The following ROBO1 variants were observed in gnomAD, a reference collection of about 807,000 sequenced individuals.
The protein encoded by ROBO1 is roundabout guidance receptor 1, also known as roundabout homolog 1.
Under a neutral mutation model 195.9 loss-of-function variants are expected in ROBO1, and 149 were observed. The observed-to-expected ratio is 0.76, with a 90% CI of 0.67 to 0.87. ROBO1 has a LOEUF of 0.87. Ranked by LOEUF, ROBO1 falls within the 40% of genes least tolerant of loss-of-function variation. The pLI is 0.00. For synonymous variants in ROBO1, 816 were observed against 733.2 expected (o/e 1.11, Z -1.82); for missense variants, 1,933 against 2,068.3 (o/e 0.93, Z 1.27).
At chr3:79,124,664 C>T (rs2080181902) in intron 3 of ROBO1, among the ~76,000 whole-genome samples, 1 of 152,086 alleles carries the variant, frequency 6.6e-6, no homozygotes, top group Non-Finnish European at 1.5e-5. Flanking sequence ...GAGAACATTA[C>T]AAATAGCTGA....
intron 2 of ROBO1, among the ~76,000 whole-genome samples, chr3:79,443,773 C>A (rs992902376): frequency 3.3e-5 from 5 of 152,014 alleles, no homozygotes; most frequent in African/African-American, 1.2e-4. Context: ...CATCTTAGAA[C>A]AATTTGCATA....
chr3:79,579,952 C>A (rs900293479), intron 2 of ROBO1, among the ~76,000 whole-genome samples: 1 of 151,994 alleles, frequency 6.6e-6, no homozygotes, highest in Admixed American at 6.6e-5. Flanking sequence ...TGATGCTATG[C>A]TTGTATGCCT....
intron 2 of ROBO1, among the ~76,000 whole-genome samples, chr3:79,325,754 T>A (rs2109147073): frequency 6.6e-6 from 1 of 152,266 alleles, no homozygotes; most frequent in African/African-American, 2.4e-5. Context: ...GCACAAATTG[T>A]AGAGCATGTG....
At chr3:78,717,650 AC>A in intron 6 of ROBO1, 112 bp downstream of exon 6, 2 of 1,202,224 alleles carry the variant, frequency 1.7e-6, no homozygotes, top group South Asian at 3.2e-5. Flanking sequence ...TCCTCTTTCT[AC>A]CCACCCCCTA....
chr3:79,694,046 T>A lies in ROBO1; in HGVS notation c.-51+73706A>T, dbSNP rs146768329. ...AACAAGAAAAATAGAGGCCTAATAC[T>A]GGATTCTGAAATAAGTAAAATAAGT... On this transcript the variant is annotated intron_variant, in intron 1 of 30. Transcript: ENST00000464233. Among the ~76,000 whole-genome samples, 661 of 151,908 alleles carry A rather than the reference T, an allele frequency of 4.4e-3. 8 individuals carry two copies. Among genetic ancestry groups the A allele is most frequent in the African/African-American group, 0.015 (634 of 41,508 alleles).
At chr3:79,585,839 T>G (rs1389928373) in intron 2 of ROBO1, among the ~76,000 whole-genome samples, 3 of 151,980 alleles carry the variant, frequency 2.0e-5, no homozygotes, top group Non-Finnish European at 4.4e-5. Flanking sequence ...AATAATTGAC[T>G]ACTTTCTAAA....
At chr3:78,887,585 A>C (rs565326829) in intron 4 of ROBO1, among the ~76,000 whole-genome samples, 1 of 152,212 alleles carries the variant, frequency 6.6e-6, no homozygotes, top group Admixed American at 6.5e-5. Flanking sequence ...TTTAAGTCCA[A>C]GGATACTTAG....
chr3:79,452,220 T>G (rs1361052996), intron 2 of ROBO1, among the ~76,000 whole-genome samples: 1 of 152,120 alleles, frequency 6.6e-6, no homozygotes, highest in Non-Finnish European at 1.5e-5. Context: ...ACTATACATG[T>G]CTTTTATGTT....
chr3:79,077,701 T>A (rs555625491), intron 3 of ROBO1, among the ~76,000 whole-genome samples: 1 of 151,832 alleles, frequency 6.6e-6, no homozygotes, highest in Non-Finnish European at 1.5e-5. Flanking sequence ...ATAAGTCATG[T>A]TTCATTTGAT....
intron 4 of ROBO1, among the ~76,000 whole-genome samples, chr3:78,853,364 T>A (rs1222252965): frequency 6.6e-6 from 1 of 151,474 alleles, no homozygotes; most frequent in Admixed American, 6.6e-5. Flanking sequence ...TTTTTGTATA[T>A]ATACATACAA....
intron 4 of ROBO1, among the ~76,000 whole-genome samples, chr3:78,793,145 A>AAAAG (rs1391490162): frequency 2.6e-5 from 4 of 151,864 alleles, no homozygotes; most frequent in African/African-American, 9.7e-5. Flanking sequence ...CAAAAAAAAA[A>AAAAG]AAAGAAAGAA....
rs1380399227 is a variant in ROBO1 at position 79,125,473 on chromosome 3, T to A, written c.155A>T (p.Asn52Ile). 13 of 1,613,456 alleles carry A rather than the reference T, an allele frequency of 8.1e-6. No homozygotes were observed. Among genetic ancestry groups the A allele is most frequent in the Non-Finnish European group, 1.0e-5 (12 of 1,179,730 alleles). Residue 52 changes from asparagine (N) to isoleucine (I), a missense_variant, in exon 3 of 31, where the codon AAT (asparagine) becomes ATT (isoleucine). By Grantham distance (149) the Asn-to-Ile change is moderately radical (BLOSUM62 -3). Coordinates refer to ENST00000464233, the MANE Select transcript of ROBO1 (RefSeq NM_002941.4). Reference protein sequence around the residue: ...TPIPTSDNDDNSLGYTGSRLR... With the variant: ...TPIPTSDNDDISLGYTGSRLR... The stretch of plus-strand genomic sequence containing the variant: ...CACTCTACCTGTATAGCCCAGCGAA[T>A]TGTCATCGTTATCAGAGGTGGGGAT...
intron 2 of ROBO1, among the ~76,000 whole-genome samples, chr3:79,538,225 T>TA (rs1486079066): frequency 6.6e-6 from 1 of 152,184 alleles, no homozygotes; most frequent in East Asian, 1.9e-4. Context: ...TCTGAAGAGT[T>TA]AATACAGATT....
chr3:79,464,615 A>G (rs556173658), intron 2 of ROBO1, among the ~76,000 whole-genome samples: 4 of 152,196 alleles, frequency 2.6e-5, no homozygotes, highest in African/African-American at 9.6e-5. Context: ...TTGCATTTTA[A>G]GTATTTTTTA....
chr3:79,438,561 T>G (rs2038958001), intron 2 of ROBO1, among the ~76,000 whole-genome samples: 1 of 151,992 alleles, frequency 6.6e-6, no homozygotes, highest in Non-Finnish European at 1.5e-5. Flanking sequence ...CCACTGATAC[T>G]TATAAGTAGC....
intron 2 of ROBO1, among the ~76,000 whole-genome samples, chr3:79,482,061 T>C (rs764056445): frequency 4.5e-4 from 68 of 152,188 alleles, no homozygotes; most frequent in Non-Finnish European, 7.3e-4. Context: ...GAATTATTCA[T>C]ACATTCATTT....
chr3:79,266,494 T>C (rs762135330), intron 2 of ROBO1, among the ~76,000 whole-genome samples: 3 of 151,550 alleles, frequency 2.0e-5, no homozygotes, highest in Non-Finnish European at 4.4e-5. Context: ...TCTCTCTGTG[T>C]GGTGGTTGCT....
chr3:79,523,161 C>CCACACA (rs139825740), intron 2 of ROBO1, among the ~76,000 whole-genome samples: 40 of 146,368 alleles, frequency 2.7e-4, no homozygotes, highest in Non-Finnish European at 5.0e-4. Flanking sequence ...GCTTCATAAA[C>CCACACA]CACACACACA....
chr3:78,683,600 G>C (rs2080982724), intron 10 of ROBO1, among the ~76,000 whole-genome samples: 1 of 151,944 alleles, frequency 6.6e-6, no homozygotes, highest in Non-Finnish European at 1.5e-5. Context: ...GCATAAAATA[G>C]AATAAATAGA....
Sources: gnomAD v4.1 joint callset for allele counts (sites outside exome capture counted in the v4.1 genomes callset) on GRCh38, gnomAD v4.1.1 for gene constraint, MANE v1.5 for transcripts, NCBI Gene and HGNC (gene_info 2026-07-23, HGNC 2026-07-21) for gene names.